The following SLC35D4 variants were observed in gnomAD, a reference collection of about 807,000 sequenced individuals.
SLC35D4 encodes solute carrier family 35 member D4.
At chr18:23,323,422 T>C in the SLC35D4 span, among the ~76,000 whole-genome samples, 4 of 152,232 alleles carry the variant, frequency 2.6e-5, no homozygotes, top group African/African-American at 9.6e-5. Flanking sequence ...GCTTTTCACC[T>C]GCCTCCTTCC....
chr18:23,381,151 C>A, the SLC35D4 span, among the ~76,000 whole-genome samples: 182 of 152,306 alleles, frequency 1.2e-3, no homozygotes, highest in African/African-American at 4.3e-3. Flanking sequence ...AAACCACCTA[C>A]AATTCTACAA....
the SLC35D4 span, chr18:23,377,688 A>G: frequency 6.4e-7 from 1 of 1,565,578 alleles, no homozygotes; most frequent in Non-Finnish European, 8.6e-7. Context: ...AAAAGTAAAG[A>G]AACATACAAT....
At chr18:23,379,148 G>C in the SLC35D4 span, among the ~76,000 whole-genome samples, 1 of 147,050 alleles carries the variant, frequency 6.8e-6, no homozygotes, top group Admixed American at 6.9e-5. Flanking sequence ...TTTTGAGCCA[G>C]AGTCTTGCTC....
chr18:23,419,933 T>C, the SLC35D4 span, among the ~76,000 whole-genome samples: 73 of 152,316 alleles, frequency 4.8e-4, no homozygotes, highest in Admixed American at 2.1e-3. Flanking sequence ...TATATTTATA[T>C]ACGTATGTAT....
At chr18:23,281,327 TTTTAC>T in the SLC35D4 span, among the ~76,000 whole-genome samples, 1 of 152,114 alleles carries the variant, frequency 6.6e-6, no homozygotes, top group Non-Finnish European at 1.5e-5. Context: ...TATTTATTTA[TTTTAC>T]TTTTTTTTGA....
the SLC35D4 span, among the ~76,000 whole-genome samples, chr18:23,285,569 C>T: frequency 5.9e-4 from 90 of 152,210 alleles, no homozygotes; most frequent in African/African-American, 2.1e-3. Context: ...CACATCAGGC[C>T]GTCCCTAGTC....
the SLC35D4 span, among the ~76,000 whole-genome samples, chr18:23,396,925 G>GA: frequency 6.6e-6 from 1 of 151,886 alleles, no homozygotes; most frequent in African/African-American, 2.4e-5. Flanking sequence ...TCTCTTCATG[G>GA]ACAGGTAACA....
the SLC35D4 span, among the ~76,000 whole-genome samples, chr18:23,405,614 T>C: frequency 6.6e-6 from 1 of 152,164 alleles, no homozygotes; most frequent in Non-Finnish European, 1.5e-5. Context: ...TTCTAGTCAA[T>C]GAAGACACAG....
the SLC35D4 span, chr18:23,309,574 ACAGCCAACG>A: frequency 1.1e-6 from 1 of 948,780 alleles, no homozygotes; most frequent in South Asian, 1.4e-5. Context: ...ATGGAGATAC[ACAGCCAACG>A]CACACTCCCT....
At chr18:23,298,320 C>T in the SLC35D4 span, among the ~76,000 whole-genome samples, 1 of 152,146 alleles carries the variant, frequency 6.6e-6, no homozygotes, top group Middle Eastern at 3.2e-3. Context: ...GGTGAAGCGT[C>T]CCACACATCC....
chr18:23,365,742 C>T, the SLC35D4 span: 2 of 1,565,846 alleles, frequency 1.3e-6, no homozygotes, highest in African/African-American at 1.4e-5. Context: ...ACACATTTTA[C>T]TTGGAAATAG....
the SLC35D4 span, among the ~76,000 whole-genome samples, chr18:23,261,529 G>C: frequency 1.3e-4 from 20 of 151,724 alleles, no homozygotes; most frequent in Non-Finnish European, 1.9e-4. Context: ...AGGCTGAGGT[G>C]GGAGAATCAC....
At chr18:23,285,605 A>T in the SLC35D4 span, among the ~76,000 whole-genome samples, 2 of 151,896 alleles carry the variant, frequency 1.3e-5, no homozygotes, top group African/African-American at 4.8e-5. Context: ...ACTTGTCCCA[A>T]ATCTTCCTTC....
At chr18:23,418,476 A>G in the SLC35D4 span, among the ~76,000 whole-genome samples, 1 of 150,976 alleles carries the variant, frequency 6.6e-6, no homozygotes, top group Non-Finnish European at 1.5e-5. Flanking sequence ...GGCTCAAGCA[A>G]TTCTCCTGCC....
the SLC35D4 span, among the ~76,000 whole-genome samples, chr18:23,314,900 G>A: frequency 6.6e-6 from 1 of 152,158 alleles, no homozygotes; most frequent in Non-Finnish European, 1.5e-5. Context: ...CTTTGTCAAC[G>A]GCTGGCACAA....
the SLC35D4 span, among the ~76,000 whole-genome samples, chr18:23,306,821 G>C: frequency 6.6e-6 from 1 of 152,158 alleles, no homozygotes; most frequent in Non-Finnish European, 1.5e-5. Flanking sequence ...GTGGTCCTAG[G>C]CTTCTTTTCC....
the SLC35D4 span, among the ~76,000 whole-genome samples, chr18:23,304,137 C>T: frequency 6.6e-6 from 1 of 150,652 alleles, no homozygotes; most frequent in South Asian, 2.1e-4. Flanking sequence ...ATTAGCCAGG[C>T]ACGGTGGCGG....
chr18:23,331,843 C>T, the SLC35D4 span, among the ~76,000 whole-genome samples: 3 of 148,002 alleles, frequency 2.0e-5, no homozygotes, highest in East Asian at 5.9e-4. Flanking sequence ...TAGTTAGGTG[C>T]TATTATGAAT....
At chr18:23,245,415 G>A in the SLC35D4 span, among the ~76,000 whole-genome samples, 1 of 151,592 alleles carries the variant, frequency 6.6e-6, no homozygotes, top group Non-Finnish European at 1.5e-5. Flanking sequence ...GGAGACTGAG[G>A]CACGAGAATC....
Sources: gnomAD v4.1 joint callset for allele counts (sites outside exome capture counted in the v4.1 genomes callset) on GRCh38, gnomAD v4.1.1 for gene constraint, MANE v1.5 for transcripts, NCBI Gene and HGNC (gene_info 2026-07-23, HGNC 2026-07-21) for gene names.